PIP5K1B: variants seen among roughly 807,000 people sequenced by gnomAD.
PIP5K1B encodes the protein phosphatidylinositol 4-phosphate 5-kinase type-1 beta.
PIP5K1B carries 42 observed loss-of-function variants against 67.0 expected under a neutral mutation model. The ratio of observed to expected loss-of-function variants is 0.63; its 90% CI spans 0.49 to 0.81. The LOEUF (loss-of-function observed/expected upper bound fraction) is 0.81, where lower values mean the gene tolerates loss of function less well. PIP5K1B is among the 30% of genes least tolerant of loss of function. The pLI is 0.00. For missense variants in PIP5K1B, 459 were observed against 646.3 expected (o/e 0.71, Z 3.14); for synonymous variants, 214 against 231.4 (o/e 0.92, Z 0.68).
chr9:68,876,208 A>G (rs2132316366), intron 5 of PIP5K1B, among the ~76,000 whole-genome samples: 1 of 152,286 alleles, frequency 6.6e-6, no homozygotes, highest in South Asian at 2.1e-4. Flanking sequence ...TTGGGGTCCT[A>G]TTCCATGTGA....
At chr9:68,808,479 A>G (rs1247347751) in intron 2 of PIP5K1B, among the ~76,000 whole-genome samples, 1 of 152,166 alleles carries the variant, frequency 6.6e-6, no homozygotes, top group East Asian at 1.9e-4. Flanking sequence ...AATGAAAATC[A>G]TTGCAGGACA....
chr9:68,737,954 AC>A (rs1828818634), intron 1 of PIP5K1B, among the ~76,000 whole-genome samples: 2 of 152,220 alleles, frequency 1.3e-5, no homozygotes, highest in South Asian at 4.1e-4. Flanking sequence ...CGGTCTCCTT[AC>A]GCACATAATA....
chr9:68,799,842 A>G, intron 2 of PIP5K1B, among the ~76,000 whole-genome samples: 1 of 152,218 alleles, frequency 6.6e-6, no homozygotes, highest in South Asian at 2.1e-4. Context: ...TTTCCTGGAT[A>G]TGACACCAAA....
intron 1 of PIP5K1B, among the ~76,000 whole-genome samples, chr9:68,736,234 C>G (rs1164871782): frequency 6.6e-6 from 1 of 152,186 alleles, no homozygotes; most frequent in Non-Finnish European, 1.5e-5. Flanking sequence ...CCACTCTGGT[C>G]ACTCTGAATG....
chr9:68,845,202 C>G (rs915143256), intron 4 of PIP5K1B, among the ~76,000 whole-genome samples: 2 of 152,150 alleles, frequency 1.3e-5, no homozygotes, highest in African/African-American at 4.8e-5. Flanking sequence ...GCAGAAGGAG[C>G]CTGAAACTGA....
At chr9:68,960,684 CTCT>C (rs1299376478) in intron 14 of PIP5K1B, among the ~76,000 whole-genome samples, 1 of 152,116 alleles carries the variant, frequency 6.6e-6, no homozygotes, top group East Asian at 1.9e-4. Flanking sequence ...TTTCCAGGAC[CTCT>C]TCTTGTCCTG....
chr9:68,883,082 C>T (rs916606506), intron 6 of PIP5K1B, among the ~76,000 whole-genome samples: 1 of 152,192 alleles, frequency 6.6e-6, no homozygotes, highest in Non-Finnish European at 1.5e-5. Context: ...CAAAAGCATT[C>T]ACTTTAAAAA....
intron 4 of PIP5K1B, among the ~76,000 whole-genome samples, chr9:68,862,741 G>A (rs937274013): frequency 2.6e-5 from 4 of 151,822 alleles, no homozygotes; most frequent in Admixed American, 6.6e-5. Context: ...GCAGTGAGCC[G>A]AGGTTGCACG....
chr9:68,718,863 C>G (rs1215755728), intron 1 of PIP5K1B, among the ~76,000 whole-genome samples: 1 of 152,156 alleles, frequency 6.6e-6, no homozygotes, highest in African/African-American at 2.4e-5. Context: ...ACTTCTGTGG[C>G]TCTCAGCAGT....
chr9:68,810,690 A>G (rs1833115313), intron 2 of PIP5K1B, among the ~76,000 whole-genome samples: 1 of 152,172 alleles, frequency 6.6e-6, no homozygotes, highest in African/African-American at 2.4e-5. Flanking sequence ...TGACTCACAT[A>G]TGGCCCCCAG....
intron 5 of PIP5K1B, among the ~76,000 whole-genome samples, chr9:68,869,406 C>T (rs1029390123): frequency 3.3e-5 from 5 of 152,186 alleles, no homozygotes; most frequent in African/African-American, 7.2e-5. Context: ...CCCCCATTTC[C>T]ACTGTCTGTG....
At chr9:68,716,561 T>C (rs1475957913) in intron 1 of PIP5K1B, among the ~76,000 whole-genome samples, 1 of 152,286 alleles carries the variant, frequency 6.6e-6, no homozygotes, top group Middle Eastern at 3.4e-3. Context: ...AGAATGGCTA[T>C]GATTAGAAAG....
chr9:68,916,476 C>A (rs1220309709), intron 8 of PIP5K1B, among the ~76,000 whole-genome samples: 1 of 152,188 alleles, frequency 6.6e-6, no homozygotes, highest in Admixed American at 6.5e-5. Context: ...TCCCTTGCCT[C>A]CCCACTGTCT....
In PIP5K1B at chr9:68,906,256, C is replaced by G. The variant is rs142311365; in HGVS notation, c.772-11292C>G. Among the ~76,000 whole-genome samples, 217 of 152,300 alleles carry G rather than the reference C, an allele frequency of 1.4e-3. 1 individual carries two copies. The highest frequency in any genetic ancestry group is 4.9e-3 in the African/African-American group (203 of 41,570). On this transcript the variant is annotated intron_variant, in intron 8 of 15. Coordinates refer to ENST00000265382, the MANE Select transcript of PIP5K1B (RefSeq NM_003558.4). ...TTGGTCTGGAACTCCTGGGCTCAAG[C>G]AATCCACCTGCCTTGGCCTGCCAAA...
At chr9:69,004,829 G>C (rs139439425) in intron 15 of PIP5K1B, among the ~76,000 whole-genome samples, 1 of 152,294 alleles carries the variant, frequency 6.6e-6, no homozygotes, top group East Asian at 1.9e-4. Context: ...TTTATGCTAA[G>C]GAAGGAATAA....
intron 4 of PIP5K1B, among the ~76,000 whole-genome samples, chr9:68,854,156 G>A (rs1295789647): frequency 2.7e-5 from 4 of 145,810 alleles, no homozygotes; most frequent in South Asian, 2.1e-4. Flanking sequence ...TTTGAGACAG[G>A]GTTTCATTCT....
chr9:68,992,839 CAAAAAAAAAAAAAA>C (rs201517701), intron 15 of PIP5K1B, among the ~76,000 whole-genome samples: 81 of 57,578 alleles, frequency 1.4e-3, no homozygotes, highest in Non-Finnish European at 1.9e-3. Flanking sequence ...GACCCTGTCT[CAAAAAAAAAAAAAA>C]AAAAAAAAAA....
intron 2 of PIP5K1B, among the ~76,000 whole-genome samples, chr9:68,815,267 T>TAAA (rs11454489): frequency 1.4e-5 from 2 of 147,178 alleles, no homozygotes; most frequent in African/African-American, 5.0e-5. Flanking sequence ...TTGGTACTAT[T>TAAA]AAAAAAAAAA....
chr9:68,959,684 C>A (rs1195445695), intron 14 of PIP5K1B, among the ~76,000 whole-genome samples: 1 of 152,178 alleles, frequency 6.6e-6, no homozygotes, highest in Non-Finnish European at 1.5e-5. Context: ...TACCTTATGT[C>A]ATAAACATAT....
Sources: allele counts gnomAD v4.1 joint callset (sites outside exome capture counted in the v4.1 genomes callset), GRCh38; gene constraint gnomAD v4.1.1; transcripts MANE v1.5; gene names NCBI Gene and HGNC (gene_info 2026-07-23, HGNC 2026-07-21).